The following CUBN variants were observed in gnomAD, a reference collection of about 807,000 sequenced individuals.
CUBN encodes the protein cubilin.
A neutral mutation model predicts 405.3 loss-of-function variants in CUBN; 282 were observed. That is an observed-to-expected ratio of 0.70 (90% confidence interval 0.63 to 0.77). The LOEUF (loss-of-function observed/expected upper bound fraction) is 0.77, where lower values mean the gene tolerates loss of function less well. Among genes scored for constraint, CUBN ranks in the 30% least tolerant of loss-of-function variants. CUBN has a pLI of 0.00. For missense variants in CUBN, 4,514 were observed against 4,475.2 expected (o/e 1.01, Z -0.25); for synonymous variants, 1,684 against 1,617.0 (o/e 1.04, Z -0.99).
In CUBN at chr10:17,104,534, A is replaced by G. The variant is rs1326942799; in HGVS notation, c.1302T>C (p.Asn434=). The G allele has an allele frequency of 6.2e-7, 1 of 1,613,932 alleles. No homozygotes were observed. The highest frequency in any genetic ancestry group is 1.7e-5 in the Admixed American group (1 of 59,988). Residue 434 remains asparagine, a synonymous_variant, in exon 12 of 67, where the codon AAT becomes AAC. Coordinates refer to ENST00000377833, the MANE Select transcript of CUBN (RefSeq NM_001081.4). ...WTGVNCTENI[N]ECLSNPCLNG... is the part of the protein sequence containing the mutation. Reference sequence around the variant, plus strand: ...TCAAACAGGGGTTGCTCAAACACTCATTGATGTTTTCTGTACAGTTGACAC... The same window carrying G: ...TCAAACAGGGGTTGCTCAAACACTCGTTGATGTTTTCTGTACAGTTGACAC...
intron 55 of CUBN, 94 bp downstream of exon 55, chr10:16,890,277 C>T (rs984913322): frequency 1.6e-6 from 2 of 1,217,542 alleles, no homozygotes; most frequent in African/African-American, 3.0e-5. Context: ...CCCCCATACT[C>T]CTCCCCTAGA....
At chr10:16,838,522 T>A (rs1179816186) in intron 62 of CUBN, among the ~76,000 whole-genome samples, 1 of 152,252 alleles carries the variant, frequency 6.6e-6, no homozygotes, top group Admixed American at 6.5e-5. Context: ...CCTATCATGA[T>A]AATGATGATG....
At chr10:16,893,742 C>T (rs1297909074) in intron 54 of CUBN, among the ~76,000 whole-genome samples, 2 of 152,100 alleles carry the variant, frequency 1.3e-5, no homozygotes, top group Non-Finnish European at 2.9e-5. Context: ...TAAGCAAGTA[C>T]CACAATTTGT....
At chr10:16,916,822 T>C (rs1588647478) in intron 45 of CUBN, among the ~76,000 whole-genome samples, 1 of 151,132 alleles carries the variant, frequency 6.6e-6, no homozygotes, top group Non-Finnish European at 1.5e-5. Context: ...TTCTTTCTTT[T>C]TTTTTTTTTT....
chr10:17,071,537 T>C lies in CUBN; in HGVS notation c.2514A>G (p.Gly838=). The C allele has an allele frequency of 6.2e-7, 1 of 1,613,950 alleles. No homozygotes were observed. The highest frequency in any genetic ancestry group is 8.5e-7 in the Non-Finnish European group (1 of 1,179,944). ...GGATGGTCCACCTACAGGTTCTTTC[T>C]CCAGGATACACGTTAGGAAAAAAAG... ...RSPFFPNVYP[G]ERTCRWTIHQ... is the part of the protein sequence containing the mutation. Residue 838 remains glycine, a synonymous_variant, in exon 19 of 67, where the codon GGA becomes GGG. Coordinates refer to ENST00000377833, the MANE Select transcript of CUBN (RefSeq NM_001081.4).
intron 25 of CUBN, among the ~76,000 whole-genome samples, chr10:17,044,205 A>G (rs1388369570): frequency 1.4e-5 from 2 of 146,954 alleles, no homozygotes; most frequent in Non-Finnish European, 3.0e-5. Flanking sequence ...ATATGTATTC[A>G]ACACATATGT....
chr10:16,862,022 G>A (rs150576940), intron 59 of CUBN, among the ~76,000 whole-genome samples: 129 of 152,122 alleles, frequency 8.5e-4, no homozygotes, highest in African/African-American at 2.9e-3. Context: ...GGTTGCATGC[G>A]CGGGTAATCC....
intron 11 of CUBN, 62 bp downstream of exon 11, chr10:17,105,395 T>C (rs1836601802): frequency 1.0e-6 from 1 of 964,074 alleles, no homozygotes; most frequent in Admixed American, 1.7e-5. Flanking sequence ...TAACGTTACA[T>C]TTTATAGGCG....
chr10:16,952,243 G>C (rs761948474), intron 33 of CUBN, 33 bp downstream of exon 33: 4 of 1,477,394 alleles, frequency 2.7e-6, no homozygotes, highest in Non-Finnish European at 3.8e-6. Context: ...CTTCTCTCCT[G>C]TGTGCCTTTT....
rs975300227 is a variant in CUBN, at chr10:17,045,276, A to G, written c.3491-88T>C. The G allele has an allele frequency of 1.6e-4, 200 of 1,261,632 alleles. 1 individual carries two copies. The East Asian group carries it at 2.2e-3, about 14-fold the overall frequency. The allele number at this position is 1,261,632 out of a possible 1,614,324, so 78.2% of individuals were successfully genotyped here. ...GTCTGCATTAAACTGGTGCCATTCT[A>G]CTATCCTTTAAATCAAATTGCACAG... is the stretch of plus-strand genomic sequence containing the variant. On this transcript the variant is annotated intron_variant, in intron 24 of 66. Transcript: ENST00000377833.
intron 59 of CUBN, among the ~76,000 whole-genome samples, chr10:16,862,645 A>C (rs7920280): frequency 0.068 from 10,353 of 152,264 alleles, 1,165 homozygotes; most frequent in African/African-American, 0.23. Flanking sequence ...AGAATGTTTT[A>C]AAATTTTTAT....
chr10:16,896,423 T>C (rs902573547), intron 54 of CUBN, among the ~76,000 whole-genome samples: 1 of 152,164 alleles, frequency 6.6e-6, no homozygotes, highest in African/African-American at 2.4e-5. Flanking sequence ...TGAAAGATAG[T>C]TTTCCAGATA....
chr10:17,104,616 A>T lies in CUBN; in HGVS notation c.1231-11T>A. 1.2e-6 allele frequency: 2 copies of T among 1,608,110 alleles called. No homozygotes were observed. Among genetic ancestry groups the T allele is most frequent in the Non-Finnish European group, 1.7e-6 (2 of 1,176,094 alleles). ...ACCAGAGACAGTGTCCTAAGGGGAAAAAAAACACATAATACCATAAAACAA... is the reference window on the plus strand; with the variant it reads ...ACCAGAGACAGTGTCCTAAGGGGAATAAAAACACATAATACCATAAAACAA... On this transcript the variant is annotated splice_polypyrimidine_tract_variant and intron_variant, in intron 11 of 66. Coordinates refer to ENST00000377833, the MANE Select transcript of CUBN (RefSeq NM_001081.4).
intron 56 of CUBN, among the ~76,000 whole-genome samples, chr10:16,877,394 C>T (rs948131928): frequency 1.3e-5 from 2 of 152,090 alleles, no homozygotes; most frequent in African/African-American, 4.8e-5. Flanking sequence ...AACTGGGGAC[C>T]GTGTTGCCTC....
intron 44 of CUBN, among the ~76,000 whole-genome samples, chr10:16,919,320 A>T (rs1171209566): frequency 6.6e-6 from 1 of 152,202 alleles, no homozygotes; most frequent in Non-Finnish European, 1.5e-5. Context: ...GTAGTATTAG[A>T]CCCAGTGCCA....
intron 31 of CUBN, among the ~76,000 whole-genome samples, chr10:16,963,196 C>CTTTTTTTTTTTTTTTTTTTTTTTT (rs200023246): frequency 1.2e-5 from 1 of 83,980 alleles, no homozygotes; most frequent in African/African-American, 4.1e-5. Flanking sequence ...TCTTTTTTTT[C>CTTTTTTTTTTTTTTTTTTTTTTTT]TTTTTTTTTT....
chr10:16,963,259 C>G (rs1422953151), intron 31 of CUBN, among the ~76,000 whole-genome samples: 2 of 124,276 alleles, frequency 1.6e-5, no homozygotes, highest in Non-Finnish European at 3.2e-5. Flanking sequence ...CAGTGGTGCT[C>G]ACTGCAACCT....
At chr10:16,893,412 G>A (rs922765979) in intron 54 of CUBN, among the ~76,000 whole-genome samples, 17 of 137,556 alleles carry the variant, frequency 1.2e-4, no homozygotes, top group Admixed American at 1.1e-3. Context: ...GTGTGTGTGT[G>A]TGTGTGTGTG....
chr10:16,847,770 C>T (rs1839563094), intron 60 of CUBN, among the ~76,000 whole-genome samples: 1 of 152,164 alleles, frequency 6.6e-6, no homozygotes, highest in Non-Finnish European at 1.5e-5. Flanking sequence ...CAAGTCAACC[C>T]TTTCACAAAC....
Sources: allele counts gnomAD v4.1 joint callset (sites outside exome capture counted in the v4.1 genomes callset), GRCh38; gene constraint gnomAD v4.1.1; transcripts MANE v1.5; gene names NCBI Gene and HGNC (gene_info 2026-07-23, HGNC 2026-07-21).